PPL: variants seen among roughly 807,000 people sequenced by gnomAD.
PPL encodes periplakin.
A neutral mutation model predicts 194.4 loss-of-function variants in PPL; 198 were observed. That is an observed-to-expected ratio of 1.02 (90% confidence interval 0.91 to 1.15). The LOEUF is 1.15. Among genes scored for constraint, PPL ranks in the 50% most tolerant of loss-of-function variants. The probability of loss-of-function intolerance (pLI) is 0.00; values close to 1 mark genes in which losing one functional copy is unlikely to be tolerated. For missense variants in PPL, 2,885 were observed against 2,294.8 expected (o/e 1.26, Z -5.25); for synonymous variants, 1,220 against 972.4 (o/e 1.25, Z -4.74).
intron 1 of PPL, among the ~76,000 whole-genome samples, chr16:4,923,878 C>G (rs1356239145): frequency 6.6e-6 from 1 of 152,196 alleles, no homozygotes; most frequent in Non-Finnish European, 1.5e-5. Context: ...GGGGGCCTTG[C>G]CAGGGCAGGG....
intron 16 of PPL, among the ~76,000 whole-genome samples, chr16:4,891,220 G>A (rs1214004904): frequency 6.6e-6 from 1 of 152,216 alleles, no homozygotes; most frequent in East Asian, 1.9e-4. Context: ...AAAGCAAGTC[G>A]TGAGATGGGA....
chr16:4,918,884 G>A (rs751113893), intron 1 of PPL, among the ~76,000 whole-genome samples: 10 of 152,138 alleles, frequency 6.6e-5, no homozygotes, highest in Non-Finnish European at 1.3e-4. Flanking sequence ...TCCCAGGAGT[G>A]CTGGGAAACC....
At chr16:4,918,401 C>T (rs547950688) in intron 1 of PPL, among the ~76,000 whole-genome samples, 9 of 152,202 alleles carry the variant, frequency 5.9e-5, no homozygotes, top group African/African-American at 2.2e-4. Context: ...TGGCCAGCTG[C>T]AGGTAATCCC....
chr16:4,924,252 T>G (rs754025327), intron 1 of PPL, among the ~76,000 whole-genome samples: 7 of 152,238 alleles, frequency 4.6e-5, no homozygotes, highest in African/African-American at 7.2e-5. Flanking sequence ...TATGATCAAT[T>G]TGACAGGTGG....
intron 2 of PPL, among the ~76,000 whole-genome samples, chr16:4,909,875 A>G (rs774958986): frequency 1.4e-4 from 21 of 152,224 alleles, no homozygotes; most frequent in Non-Finnish European, 1.8e-4. Flanking sequence ...CTACTAAAAC[A>G]TGATTTGTGT....
At position 4,912,901 on chromosome 16, in the gene PPL, T is replaced by C. The variant is rs145834871; in HGVS notation, c.63-1952A>G. ...GGCGAATCACCTGAGATCAGGAGTT[T>C]GAGACCAGCCTGGCCAACATGGTGA... On this transcript the variant is annotated intron_variant, in intron 1 of 21. Transcript: ENST00000345988. 6.8e-3 allele frequency among the ~76,000 whole-genome samples: 1,032 copies of C among 152,194 alleles called. 5 individuals are homozygous for C. Among genetic ancestry groups the C allele is most frequent in the African/African-American group, 0.023 (938 of 41,514 alleles).
In PPL at chr16:4,884,391, G is replaced by T; in HGVS notation, c.4264C>A (p.Arg1422=). ...ARREAEREVQ[R]LQQRLAALEQ... ...AGCGCTGCCAGCCGCTGCTGCAACC[G>T]CTGTACCTCGCGCTCGGCCTCCCTG... The change falls in exon 22 of 22, where the codon CGG becomes AGG. Residue 1422 remains arginine (R), a synonymous_variant. Coordinates refer to ENST00000345988, the MANE Select transcript of PPL (RefSeq NM_002705.5). The surrounding 1 kb of genome is among the most constrained non-coding windows in gnomAD (Gnocchi z 5.7). 6.2e-7 allele frequency: 1 copy of T among 1,609,932 alleles called. No homozygotes were observed. Among genetic ancestry groups the T allele is most frequent in the Non-Finnish European group, 8.5e-7 (1 of 1,179,288 alleles).
intron 1 of PPL, 49 bp downstream of exon 1, chr16:4,936,935 C>G (rs752244187): frequency 2.6e-6 from 4 of 1,548,980 alleles, no homozygotes; most frequent in Non-Finnish European, 3.5e-6. Flanking sequence ...GTCCTGTGCG[C>G]CCACAGGGGC....
chr16:4,914,405 A>G (rs1430732325), intron 1 of PPL, among the ~76,000 whole-genome samples: 1 of 152,198 alleles, frequency 6.6e-6, no homozygotes, highest in Non-Finnish European at 1.5e-5. Context: ...TGGACCAGCA[A>G]TGCAGGTGCT....
rs774802758 is a variant in PPL at position 4,895,722 on chromosome 16, G to A, written c.973-6C>T. The A allele has an allele frequency of 6.2e-7, 1 of 1,613,688 alleles. No individual in the cohort carries two copies. Among genetic ancestry groups the A allele is most frequent in the African/African-American group, 1.3e-5 (1 of 74,936 alleles). ...TCCTTCACGTCTTCGTGAAACTAGG[G>A]GAGAAGGTGGCTCTGTTACAGCCAG... On this transcript the variant is annotated splice_region_variant and splice_polypyrimidine_tract_variant and intron_variant, in intron 9 of 21. Transcript: ENST00000345988.
chr16:4,913,033 GGTGGAGGTGGCAGTGAGCTGAGAT>G (rs2088851013), intron 1 of PPL, among the ~76,000 whole-genome samples: 2 of 152,230 alleles, frequency 1.3e-5, no homozygotes, highest in South Asian at 4.1e-4. Context: ...GAACCTGGGA[GGTGGAGGTGGCAGTGAGCTGAGAT>G]TGCACCACTG....
rs74249156 is a variant in PPL, at chr16:4,929,111, G to A, written c.62+7873C>T. Reference sequence around the variant, plus strand: ...GCCTCACTTGGAACGAGAGCTGAGGGTAGAATTTATCTCAGACAATGTAAT... The same window carrying A: ...GCCTCACTTGGAACGAGAGCTGAGGATAGAATTTATCTCAGACAATGTAAT... On this transcript the variant is annotated intron_variant, in intron 1 of 21. Coordinates refer to ENST00000345988, the MANE Select transcript of PPL (RefSeq NM_002705.5). 5.0e-3 allele frequency among the ~76,000 whole-genome samples: 752 copies of A among 150,172 alleles called. 55 individuals carry two copies. In the East Asian group the frequency reaches 0.14, roughly 28 times the overall value.
Position 4,899,136 on chromosome 16 carries a change from G to A in PPL, c.769-16C>T, listed in dbSNP as rs55735519. The A allele has an allele frequency of 0.04, 64,164 of 1,613,290 alleles. 1,499 individuals are homozygous for A. Among genetic ancestry groups the A allele is most frequent in the Middle Eastern group, 0.064 (387 of 6,060 alleles). Reference sequence around the variant, plus strand: ...TGATGAAATTCTGCAGTGGGGGGCAGTGGAGGGGCCTCAGTGCCCAGCCTG... The same window carrying A: ...TGATGAAATTCTGCAGTGGGGGGCAATGGAGGGGCCTCAGTGCCCAGCCTG... On this transcript the variant is annotated splice_polypyrimidine_tract_variant and intron_variant, in intron 7 of 21. Transcript: ENST00000345988.
chr16:4,886,427 T>A (rs1221349525), intron 21 of PPL, among the ~76,000 whole-genome samples: 3 of 152,234 alleles, frequency 2.0e-5, no homozygotes, highest in Non-Finnish European at 4.4e-5. Flanking sequence ...TCACTGCACT[T>A]ACAGAGCTCA....
intron 16 of PPL, among the ~76,000 whole-genome samples, 170 bp from the exon 17 acceptor site, chr16:4,891,091 T>C (rs1296316699): frequency 6.6e-6 from 1 of 152,212 alleles, no homozygotes; most frequent in Non-Finnish European, 1.5e-5. Context: ...ACTTCTGCCA[T>C]CTTCTGTTTT....
In PPL at chr16:4,885,503, T is replaced by G; in HGVS notation, c.3152A>C (p.Lys1051Thr). 1.2e-6 allele frequency: 2 copies of G among 1,611,596 alleles called. No homozygotes were observed. Among genetic ancestry groups the G allele is most frequent in the Non-Finnish European group, 8.5e-7 (1 of 1,179,854 alleles). Residue 1051 changes from lysine to threonine, a missense_variant, in exon 22 of 22, where the codon AAG (lysine) becomes ACG (threonine). Lys to Thr is a moderately conservative substitution (Grantham distance 78). Transcript: ENST00000345988. This position sits in a 1 kb window ranked among gnomAD's most constrained non-coding sequence, Gnocchi z 6.3. ...TTTCACCACCTCTTTCTCTGTGACCTTCTCCTGCGCCCGGCTCTTCTCTTC... is the reference window on the plus strand; with the variant it reads ...TTTCACCACCTCTTTCTCTGTGACCGTCTCCTGCGCCCGGCTCTTCTCTTC... ...LAEEKSRAQE[K>T]VTEKEVVKLQ...
Position 4,893,531 on chromosome 16 carries a change from T to C in PPL, c.1492+10A>G, listed in dbSNP as rs374187919. On this transcript the variant is annotated intron_variant, in intron 13 of 21. Transcript: ENST00000345988. ...CCCCAGAGCCTCAGGCGAGTGGCCC[T>C]GGCACCCACCTCCGGGATTCTCGGT... The C allele has an allele frequency of 2.5e-6, 4 of 1,611,854 alleles. No homozygotes were observed. The highest frequency in any genetic ancestry group is 2.2e-5 in the East Asian group (1 of 44,824).
intron 9 of PPL, 42 bp downstream of exon 9, chr16:4,897,633 A>G (rs377070444): frequency 7.2e-6 from 11 of 1,518,428 alleles, no homozygotes; most frequent in Non-Finnish European, 1.0e-5. Flanking sequence ...CTCAGAGAGT[A>G]GCACCCCCGG....
intron 1 of PPL, among the ~76,000 whole-genome samples, chr16:4,915,073 C>A (rs1362784849): frequency 6.6e-6 from 1 of 152,234 alleles, no homozygotes; most frequent in Admixed American, 6.5e-5. Context: ...TGGGCCCAGT[C>A]CCACCTCAGG....
Sources: allele counts gnomAD v4.1 joint callset (sites outside exome capture counted in the v4.1 genomes callset), GRCh38; gene constraint gnomAD v4.1.1; non-coding constraint Gnocchi (gnomAD v3.1); transcripts MANE v1.5; gene names NCBI Gene and HGNC (gene_info 2026-07-23, HGNC 2026-07-21).